RAI1: variants seen among roughly 807,000 people sequenced by gnomAD.
RAI1 encodes retinoic acid induced 1.
A neutral mutation model predicts 123.8 loss-of-function variants in RAI1; 9 were observed. That is an observed-to-expected ratio of 0.07 (90% CI 0.04 to 0.13). The LOEUF is 0.13. Ranked by LOEUF, RAI1 falls within the 10% of genes least tolerant of loss-of-function variation. The probability of loss-of-function intolerance (pLI) is 1.00; values close to 1 mark genes in which losing one functional copy is unlikely to be tolerated. For synonymous variants in RAI1, 1,231 were observed against 1,127.3 expected (o/e 1.09, Z -1.84); for missense variants, 2,256 against 2,545.8 (o/e 0.89, Z 2.45).
chr17:17,808,414 A>ATTATTTTATT lies in RAI1; in HGVS notation c.5660-939_5660-930dup, dbSNP rs71155304. ...ATTTTATTTTATTTTATTTTATTTT[A>ATTATTTTATT]TTATTTTATTTTATTTTATTTTATT... is the stretch of plus-strand genomic sequence containing the variant. On this transcript the variant is annotated intron_variant, in intron 4 of 5. Coordinates refer to ENST00000353383, the MANE Select transcript of RAI1 (RefSeq NM_030665.4). Among the ~76,000 whole-genome samples the ATTATTTTATT allele has an allele frequency of 3.0e-4, 38 of 125,894 alleles. 1 individual carries two copies. Among genetic ancestry groups the ATTATTTTATT allele is most frequent in the African/African-American group, 6.8e-4 (21 of 30,968 alleles). 82.6% of individuals were successfully genotyped at this position (125,894 alleles called of 152,430 possible).
At chr17:17,720,414 G>C (rs1433216572) in intron 1 of RAI1, among the ~76,000 whole-genome samples, 1 of 152,158 alleles carries the variant, frequency 6.6e-6, no homozygotes, top group African/African-American at 2.4e-5. Context: ...GGTGAAATCA[G>C]AACCTAGGGA....
chr17:17,713,358 G>A (rs1331803408), intron 1 of RAI1, among the ~76,000 whole-genome samples: 1 of 152,096 alleles, frequency 6.6e-6, no homozygotes, highest in Non-Finnish European at 1.5e-5. Context: ...AATAATAATA[G>A]GCCAGCTGCA....
chr17:17,695,468 C>T (rs1490685610), intron 1 of RAI1, among the ~76,000 whole-genome samples: 1 of 152,090 alleles, frequency 6.6e-6, no homozygotes, highest in Non-Finnish European at 1.5e-5. Flanking sequence ...CCGGCCTTCT[C>T]GTGCCCTAAG....
chr17:17,708,349 A>G (rs1197517273), intron 1 of RAI1, among the ~76,000 whole-genome samples: 3 of 152,150 alleles, frequency 2.0e-5, no homozygotes, highest in Admixed American at 1.3e-4. Context: ...TAATCAGCCT[A>G]GATTGAATGA....
At chr17:17,752,953 A>G (rs1470539553) in intron 2 of RAI1, among the ~76,000 whole-genome samples, 1 of 152,192 alleles carries the variant, frequency 6.6e-6, no homozygotes, top group African/African-American at 2.4e-5. Flanking sequence ...TGTGTTGTTG[A>G]ATGCCTCCAT....
intron 2 of RAI1, among the ~76,000 whole-genome samples, chr17:17,787,586 C>A (rs939873628): frequency 2.2e-4 from 34 of 152,360 alleles, no homozygotes; most frequent in Admixed American, 1.4e-3. Context: ...ATGTTGCTCC[C>A]CCACACCTCA....
At chr17:17,701,444 G>GC (rs1473923758) in intron 1 of RAI1, among the ~76,000 whole-genome samples, 2 of 152,076 alleles carry the variant, frequency 1.3e-5, no homozygotes, top group African/African-American at 4.8e-5. Flanking sequence ...ATAGGCGCCT[G>GC]CCCCTCCTCT....
At chr17:17,689,549 A>T (rs1247023453) in intron 1 of RAI1, among the ~76,000 whole-genome samples, 2 of 152,228 alleles carry the variant, frequency 1.3e-5, no homozygotes, top group Admixed American at 1.3e-4. Flanking sequence ...TCGTTCATTT[A>T]TAAATCACGT....
chr17:17,733,811 G>T (rs1218787486), intron 2 of RAI1, among the ~76,000 whole-genome samples: 3 of 152,130 alleles, frequency 2.0e-5, no homozygotes, highest in Admixed American at 2.0e-4. Context: ...CGATAAAAGG[G>T]TCCCAGGAGA....
chr17:17,782,348 T>A (rs917454115), intron 2 of RAI1: 1 of 151,884 alleles, frequency 6.6e-6, no homozygotes, highest in Non-Finnish European at 1.5e-5. Flanking sequence ...TCTCGCCTCG[T>A]TCGGTGCCAG....
At chr17:17,698,547 C>T (rs1325370695) in intron 1 of RAI1, among the ~76,000 whole-genome samples, 1 of 152,212 alleles carries the variant, frequency 6.6e-6, no homozygotes, top group African/African-American at 2.4e-5. Context: ...TGCTGAGGGC[C>T]CCCCTGGGGC....
At chr17:17,743,679 T>C (rs1916715718) in intron 2 of RAI1, among the ~76,000 whole-genome samples, 2 of 152,182 alleles carry the variant, frequency 1.3e-5, no homozygotes, top group East Asian at 3.8e-4. Context: ...AGCTGGCAAA[T>C]GTAGGAGCAG....
intron 1 of RAI1, among the ~76,000 whole-genome samples, chr17:17,717,297 A>G (rs1427479365): frequency 6.6e-6 from 1 of 152,138 alleles, no homozygotes; most frequent in Non-Finnish European, 1.5e-5. Flanking sequence ...CAGAGAGAAG[A>G]AAGCGCCTGT....
chr17:17,744,559 G>A (rs892457295), intron 2 of RAI1, among the ~76,000 whole-genome samples: 4 of 152,238 alleles, frequency 2.6e-5, no homozygotes, highest in Admixed American at 2.0e-4. Flanking sequence ...TTGGGAGGCC[G>A]AGGCGGACAG....
intron 2 of RAI1, among the ~76,000 whole-genome samples, chr17:17,750,689 C>CAAAAAAAAAAAAA (rs57637022): frequency 7.5e-5 from 6 of 79,736 alleles, no homozygotes; most frequent in East Asian, 4.9e-4. Context: ...TACTCCGTCT[C>CAAAAAAAAAAAAA]AAAAAAAAAA....
chr17:17,745,021 G>A (rs958432982), intron 2 of RAI1, among the ~76,000 whole-genome samples: 1 of 152,114 alleles, frequency 6.6e-6, no homozygotes, highest in East Asian at 1.9e-4. Context: ...CAGTCCTGGT[G>A]GGGAGACTGA....
At chr17:17,699,635 G>T (rs565025522) in intron 1 of RAI1, among the ~76,000 whole-genome samples, 9 of 147,972 alleles carry the variant, frequency 6.1e-5, no homozygotes, top group African/African-American at 9.9e-5. Context: ...GGGCCGGGGG[G>T]GGGGGAATCA....
rs775821147 is a variant in RAI1, at chr17:17,800,474, G to A, written c.5565+1961G>A. 6.6e-6 allele frequency among the ~76,000 whole-genome samples: 1 copy of A among 152,198 alleles called. No individual in the cohort carries two copies. Among genetic ancestry groups the A allele is most frequent in the Non-Finnish European group, 1.5e-5 (1 of 68,032 alleles). On this transcript the variant is annotated intron_variant, in intron 3 of 5. Coordinates refer to ENST00000353383, the MANE Select transcript of RAI1 (RefSeq NM_030665.4). This position sits in a 1 kb window ranked among gnomAD's most constrained non-coding sequence, Gnocchi z 4.7. ...CCCCTGCAGCCAGCACTGGCCGGCC[G>A]AAGGGAGGAGGGGTCAGCCCCGAGC...
intron 1 of RAI1, among the ~76,000 whole-genome samples, chr17:17,703,305 G>A (rs759112402): frequency 1.3e-5 from 2 of 152,212 alleles, no homozygotes; most frequent in Non-Finnish European, 2.9e-5. Flanking sequence ...CCAGGCTGAC[G>A]TAGGAAGGCT....
Sources: allele counts gnomAD v4.1 joint callset (sites outside exome capture counted in the v4.1 genomes callset), GRCh38; gene constraint gnomAD v4.1.1; non-coding constraint Gnocchi (gnomAD v3.1); transcripts MANE v1.5; gene names NCBI Gene and HGNC (gene_info 2026-07-23, HGNC 2026-07-21).